Variants in CPS1 observed in about 807,000 individuals in gnomAD.
CPS1 encodes the protein carbamoyl-phosphate synthase [ammonia], mitochondrial.
A neutral mutation model predicts 174.6 loss-of-function variants in CPS1; 109 were observed. The observed-to-expected ratio is 0.62, with a 90% confidence interval of 0.53 to 0.73. The LOEUF (loss-of-function observed/expected upper bound fraction) is 0.73, where lower values mean the gene tolerates loss of function less well. Among genes scored for constraint, CPS1 ranks in the 30% least tolerant of loss-of-function variants. The pLI is 0.00. For missense variants in CPS1, 1,689 were observed against 1,821.9 expected, an observed-to-expected ratio of 0.93 and a Z score of 1.33; for synonymous variants, 637 against 632.0, an observed-to-expected ratio of 1.01 and a Z score of -0.12.
chr2:210,675,203 C>T (rs938238539), intron 35 of CPS1, among the ~76,000 whole-genome samples: 4 of 152,182 alleles, frequency 2.6e-5, no homozygotes, highest in African/African-American at 7.2e-5. Flanking sequence ...TTAGCTTAAG[C>T]ACAATTGAGA....
intron 21 of CPS1, chr2:210,618,094 G>A (rs1185241289): frequency 7.9e-5 from 12 of 152,010 alleles, no homozygotes; most frequent in Non-Finnish European, 1.8e-4. Flanking sequence ...AAGGCAGGTT[G>A]AGATTCTAAC....
At chr2:210,595,433 CT>C in intron 12 of CPS1, 53 bp from the exon 13 acceptor site, 1 of 1,272,210 alleles carries the variant, frequency 7.9e-7, no homozygotes, top group African/African-American at 1.5e-5. Flanking sequence ...TTGAAAATGC[CT>C]TATTTCCCCC....
intron 16 of CPS1, 100 bp from the exon 17 acceptor site, chr2:210,605,002 C>A: frequency 7.6e-7 from 1 of 1,313,446 alleles, no homozygotes; most frequent in Non-Finnish European, 1.1e-6. Context: ...TTTGAGAGTT[C>A]AGTGCTGACC....
In CPS1 at chr2:210,612,167, G is replaced by T; in HGVS notation, c.2442G>T (p.Arg814=). Residue 814 remains arginine, a synonymous_variant, in exon 20 of 38, where the codon CGG becomes CGT. Transcript: ENST00000233072. The stretch of plus-strand genomic sequence containing the variant: ...AGGAGAGTTTCCAGAAAGCTTTACG[G>T]ATGTGCCACCCATCTATAGAAGGTT... ...TFEESFQKAL[R]MCHPSIEGFT... is the part of the protein sequence containing the mutation. 6.2e-7 allele frequency: 1 copy of T among 1,612,124 alleles called. No individual in the cohort carries two copies. Among genetic ancestry groups the T allele is most frequent in the Non-Finnish European group, 8.5e-7 (1 of 1,178,806 alleles).
chr2:210,479,663 T>C (rs530600302), intron 1 of CPS1, among the ~76,000 whole-genome samples: 3 of 152,306 alleles, frequency 2.0e-5, no homozygotes, highest in African/African-American at 7.2e-5. Flanking sequence ...ACGTATGAAT[T>C]TGGGGGGCAA....
Position 210,648,999 on chromosome 2 carries a change from G to T in CPS1, c.3404+459G>T, listed in dbSNP as rs540266341. ...GATAAATTATAAGGGTGAGGAACAG[G>T]AACAGTGAGGATCTTTTATATTAAA... On this transcript the variant is annotated intron_variant, in intron 27 of 37. Transcript: ENST00000233072. 2.0e-5 allele frequency among the ~76,000 whole-genome samples: 3 copies of T among 152,296 alleles called. No homozygotes were observed. The East Asian group carries it at 5.8e-4, about 29-fold the overall frequency.
intron 1 of CPS1, among the ~76,000 whole-genome samples, chr2:210,535,201 T>G (rs1488600168): frequency 1.3e-5 from 2 of 152,192 alleles, no homozygotes; most frequent in African/African-American, 4.8e-5. Flanking sequence ...ACCCCAGCTT[T>G]TGTGGTGGTC....
chr2:210,494,638 AG>A (rs1476848084), intron 1 of CPS1, among the ~76,000 whole-genome samples: 11 of 151,748 alleles, frequency 7.2e-5, no homozygotes, highest in African/African-American at 2.7e-4. Flanking sequence ...TGCAAAAAAT[AG>A]TAAAAAAAAT....
intron 25 of CPS1, 152 bp downstream of exon 25, chr2:210,642,817 A>T: frequency 1.4e-6 from 1 of 738,768 alleles, no homozygotes; most frequent in Non-Finnish European, 2.2e-6. Context: ...TTTTGTAGTA[A>T]AACTCTAAAA....
chr2:210,512,547 T>TA (rs963216237), intron 1 of CPS1, among the ~76,000 whole-genome samples: 9 of 151,692 alleles, frequency 5.9e-5, no homozygotes, highest in African/African-American at 2.2e-4. Flanking sequence ...ATTCTTTTTT[T>TA]ATGGCTGTGT....
intron 1 of CPS1, among the ~76,000 whole-genome samples, chr2:210,510,424 C>T (rs1695430649): frequency 6.6e-6 from 1 of 152,046 alleles, no homozygotes; most frequent in Non-Finnish European, 1.5e-5. Context: ...CCATAAAAAC[C>T]CTAGAAGAAA....
chr2:210,487,804 C>A (rs1283810186), intron 1 of CPS1, among the ~76,000 whole-genome samples: 1 of 151,972 alleles, frequency 6.6e-6, no homozygotes, highest in African/African-American at 2.4e-5. Context: ...TGTTTGTGCT[C>A]CCAGCTGTAC....
At chr2:210,648,417 T>G in intron 26 of CPS1, 56 bp from the exon 27 acceptor site, 2 of 1,417,346 alleles carry the variant, frequency 1.4e-6, no homozygotes, top group Non-Finnish European at 2.0e-6. Flanking sequence ...CATTCTGTAA[T>G]TTTATTGCAT....
At chr2:210,619,427 T>A (rs1222470849) in intron 21 of CPS1, 1 of 152,114 alleles carries the variant, frequency 6.6e-6, no homozygotes, top group Non-Finnish European at 1.5e-5. Context: ...TCTTTTCCCC[T>A]GAAAATAAAA....
At chr2:210,505,142 C>G (rs894138019) in intron 1 of CPS1, among the ~76,000 whole-genome samples, 1 of 151,580 alleles carries the variant, frequency 6.6e-6, no homozygotes, top group Non-Finnish European at 1.5e-5. Flanking sequence ...CTGAAATGAG[C>G]TATTTCCAAG....
At chr2:210,613,125 G>C (rs1699186048) in intron 20 of CPS1, among the ~76,000 whole-genome samples, 1 of 151,846 alleles carries the variant, frequency 6.6e-6, no homozygotes, top group Admixed American at 6.6e-5. Context: ...GTATGTGTGT[G>C]CATGTGGGAT....
At chr2:210,538,189 T>G (rs907850453) in intron 1 of CPS1, among the ~76,000 whole-genome samples, 3 of 152,046 alleles carry the variant, frequency 2.0e-5, no homozygotes, top group African/African-American at 7.2e-5. Flanking sequence ...ATTTTCAGAG[T>G]TTTTTATGTT....
intron 29 of CPS1, among the ~76,000 whole-genome samples, chr2:210,656,190 GAT>G (rs1700699702): frequency 1.3e-5 from 2 of 152,242 alleles, no homozygotes; most frequent in South Asian, 4.2e-4. Flanking sequence ...AAAAGATAAA[GAT>G]ATTTTAAGTG....
chr2:210,604,921 A>G, intron 16 of CPS1, 181 bp from the exon 17 acceptor site: 1 of 637,706 alleles, frequency 1.6e-6, no homozygotes, highest in East Asian at 2.8e-5. Context: ...TCACTGCAGG[A>G]TGCTATTCCT....
Sources: gnomAD v4.1 joint callset for allele counts (sites outside exome capture counted in the v4.1 genomes callset) on GRCh38, gnomAD v4.1.1 for gene constraint, MANE v1.5 for transcripts, NCBI Gene and HGNC (gene_info 2026-07-23, HGNC 2026-07-21) for gene names.